Variants in FAM186A observed in about 807,000 individuals in gnomAD.
FAM186A encodes family with sequence similarity 186 member A, also known as protein FAM186A.
FAM186A carries 163 observed loss-of-function variants against 216.8 expected under a neutral mutation model. That is an observed-to-expected ratio of 0.75 (90% CI 0.66 to 0.86). FAM186A has a LOEUF of 0.86. Ranked by LOEUF, FAM186A falls within the 40% of genes least tolerant of loss-of-function variation. FAM186A has a pLI of 0.00. For synonymous variants in FAM186A, 805 were observed against 1,025.3 expected (o/e 0.79, Z 4.10); for missense variants, 2,184 against 2,746.2 (o/e 0.80, Z 4.58).
chr12:50,372,698 G>A (rs183813165), intron 1 of FAM186A, among the ~76,000 whole-genome samples: 362 of 151,202 alleles, frequency 2.4e-3, no homozygotes, highest in African/African-American at 8.2e-3. Context: ...GTCAGGAGTT[G>A]GAGACTGACC....
chr12:50,373,002 A>AAGGAAG (rs1565892955), intron 1 of FAM186A, among the ~76,000 whole-genome samples: 1 of 35,786 alleles, frequency 2.8e-5, no homozygotes, highest in Non-Finnish European at 4.9e-5. Context: ...AAGGAATGAA[A>AAGGAAG]GAAAGAAAGA....
At chr12:50,335,737 G>A (rs1942701639) in intron 4 of FAM186A, among the ~76,000 whole-genome samples, 1 of 151,972 alleles carries the variant, frequency 6.6e-6, no homozygotes, top group East Asian at 1.9e-4. Flanking sequence ...TCCAGAATAG[G>A]ACACTACGTT....
intron 4 of FAM186A, among the ~76,000 whole-genome samples, chr12:50,342,151 C>T (rs552310742): frequency 2.9e-4 from 44 of 151,364 alleles, no homozygotes; most frequent in South Asian, 1.7e-3. Context: ...AAAAAATAGC[C>T]AGGCATGGCG....
chr12:50,328,600 C>A (rs887479933), intron 7 of FAM186A, among the ~76,000 whole-genome samples: 1 of 152,096 alleles, frequency 6.6e-6, no homozygotes, highest in South Asian at 2.1e-4. Context: ...CTCTGCCTCC[C>A]AGACTCAAGC....
chr12:50,348,997 G>C (rs1265987320), intron 4 of FAM186A, among the ~76,000 whole-genome samples: 1 of 152,060 alleles, frequency 6.6e-6, no homozygotes, highest in Admixed American at 6.6e-5. Context: ...GGTATCCATT[G>C]CATCAAGCAT....
chr12:50,363,111 A>T (rs1360273302), intron 2 of FAM186A, 34 bp downstream of exon 2: 1 of 1,466,782 alleles, frequency 6.8e-7, no homozygotes, highest in Admixed American at 2.5e-5. Context: ...CATTAACTTT[A>T]TGGTTTTCCT....
Position 50,351,235 on chromosome 12 carries a change from G to C in FAM186A, c.5597C>G (p.Ala1866Gly). The C allele has an allele frequency of 4.5e-6, 7 of 1,551,588 alleles. No individual in the cohort carries two copies. Among genetic ancestry groups the C allele is most frequent in the Non-Finnish European group, 6.1e-6 (7 of 1,146,964 alleles). ...LSPGQPLVPE[A>G]SSIPGDLLES... ...CAGGAGGTCCCCAGGGATGGAAGAG[G>C]CTTCAGGAACTAAGGGCTGCCCAGG... The change falls in exon 4 of 8, where the codon GCC (alanine) becomes GGC (glycine). Residue 1866 changes from alanine to glycine, a missense_variant. This residue lies in a region of FAM186A where 721 missense variants were observed against 816.4 expected (regional missense o/e 0.88). Coordinates refer to ENST00000327337, the MANE Select transcript of FAM186A (RefSeq NM_001145475.3).
Position 50,354,279 on chromosome 12 carries a change from C to T in FAM186A, c.2553G>A (p.Lys851=), listed in dbSNP as rs1942947334. ...TCTCACTTATCTTCTCATAGTGCTC[C>T]TTCAAGAGATTTCTTTCTCCCAGCA... The part of the protein sequence containing the change: ...QQLLGERNLL[K]EHYEKISENW... Residue 851 remains lysine (K), a synonymous_variant, in exon 4 of 8, where the codon AAG becomes AAA. Transcript: ENST00000327337. The T allele has an allele frequency of 1.3e-6, 2 of 1,551,606 alleles. No homozygotes were observed. The highest frequency in any genetic ancestry group is 1.7e-6 in the Non-Finnish European group (2 of 1,146,970).
intron 4 of FAM186A, among the ~76,000 whole-genome samples, chr12:50,342,120 A>C (rs1942769190): frequency 6.6e-6 from 1 of 151,910 alleles, no homozygotes; most frequent in Non-Finnish European, 1.5e-5. Flanking sequence ...GTGATTCTAC[A>C]ATATAGTCAA....
chr12:50,332,751 G>A lies in FAM186A; in HGVS notation c.6697-930C>T, dbSNP rs1048877243. ...ATTTAAAATATAACTGTTCTGGGCCGGGCACGGTGGCTCAAGCCTCTATCC... is the reference window on the plus strand; with the variant it reads ...ATTTAAAATATAACTGTTCTGGGCCAGGCACGGTGGCTCAAGCCTCTATCC... On this transcript the variant is annotated intron_variant, in intron 5 of 7. Transcript: ENST00000327337. Among the ~76,000 whole-genome samples the A allele has an allele frequency of 2.0e-5, 3 of 152,234 alleles. No individual in the cohort carries two copies. In the South Asian group the frequency reaches 6.2e-4, roughly 32 times the overall value.
intron 1 of FAM186A, among the ~76,000 whole-genome samples, chr12:50,368,594 C>T (rs1943112842): frequency 6.6e-6 from 1 of 151,992 alleles, no homozygotes; most frequent in Non-Finnish European, 1.5e-5. Flanking sequence ...ACTACCCAAA[C>T]CAATCTACAG....
At chr12:50,333,303 G>A (rs543676883) in intron 5 of FAM186A, among the ~76,000 whole-genome samples, 10 of 151,940 alleles carry the variant, frequency 6.6e-5, no homozygotes, top group Non-Finnish European at 1.3e-4. Context: ...AGGTTGAGGC[G>A]GGTGGATCAC....
chr12:50,337,626 G>A (rs868772150), intron 4 of FAM186A, among the ~76,000 whole-genome samples: 10 of 151,572 alleles, frequency 6.6e-5, no homozygotes, highest in East Asian at 2.0e-4. Context: ...GGCCGGGCGC[G>A]GCGGCTCACG....
intron 4 of FAM186A, among the ~76,000 whole-genome samples, chr12:50,338,784 T>C (rs1942735653): frequency 6.6e-6 from 1 of 152,190 alleles, no homozygotes. Flanking sequence ...AGGATGACCT[T>C]TCTGAACCTG....
At chr12:50,378,163 G>T (rs1313547224) in intron 1 of FAM186A, among the ~76,000 whole-genome samples, 2 of 151,078 alleles carry the variant, frequency 1.3e-5, no homozygotes, top group African/African-American at 4.9e-5. Flanking sequence ...GGCGGAGGTT[G>T]CAGTGAGCCG....
chr12:50,388,447 C>A (rs1326308908), intron 1 of FAM186A, among the ~76,000 whole-genome samples: 1 of 151,572 alleles, frequency 6.6e-6, no homozygotes, highest in Non-Finnish European at 1.5e-5. Flanking sequence ...GTGAAACCCC[C>A]CTCTCTACTA....
chr12:50,376,995 C>T (rs1943204465), intron 1 of FAM186A, among the ~76,000 whole-genome samples: 1 of 152,058 alleles, frequency 6.6e-6, no homozygotes, highest in African/African-American at 2.4e-5. Context: ...ATGGTCCTCC[C>T]ACCTCAGCCT....
At chr12:50,328,118 T>C (rs904622056) in intron 7 of FAM186A, among the ~76,000 whole-genome samples, 10 of 152,218 alleles carry the variant, frequency 6.6e-5, no homozygotes, top group African/African-American at 2.4e-4. Context: ...AATAATTATA[T>C]AAATATACAA....
At chr12:50,348,258 C>T (rs12424876) in intron 4 of FAM186A, among the ~76,000 whole-genome samples, 97,757 of 151,372 alleles carry the variant, frequency 0.65, 32,021 homozygotes, top group East Asian at 0.74. Flanking sequence ...AGGCTGGTCT[C>T]GAACTCCTGA....
Sources: gnomAD v4.1 joint callset for allele counts (sites outside exome capture counted in the v4.1 genomes callset) on GRCh38, gnomAD v4.1.1 for gene constraint, gnomAD v4.1.1 regional missense constraint, MANE v1.5 for transcripts, NCBI Gene and HGNC (gene_info 2026-07-23, HGNC 2026-07-21) for gene names.